DOCK3: variants seen among roughly 807,000 people sequenced by gnomAD.
DOCK3 encodes dedicator of cytokinesis 3.
Under a neutral mutation model 265.6 loss-of-function variants are expected in DOCK3, and 60 were observed. The observed-to-expected ratio is 0.23, with a 90% CI of 0.18 to 0.28. The LOEUF is 0.28. Ranked by LOEUF, DOCK3 falls within the 10% of genes least tolerant of loss-of-function variation. The probability of loss-of-function intolerance (pLI) is 1.00; values close to 1 mark genes in which losing one functional copy is unlikely to be tolerated. For synonymous variants in DOCK3, 881 were observed against 938.0 expected, an observed-to-expected ratio of 0.94 and a Z score of 1.11; for missense variants, 1,981 against 2,594.3, an observed-to-expected ratio of 0.76 and a Z score of 5.14.
intron 50 of DOCK3, among the ~76,000 whole-genome samples, chr3:51,375,120 ACTCC>A (rs1412742677): frequency 6.6e-6 from 1 of 152,024 alleles, no homozygotes; most frequent in Non-Finnish European, 1.5e-5. Flanking sequence ...GTAGGGATTA[ACTCC>A]CTCCCTTGGG....
chr3:50,958,765 T>G (rs2076799783), intron 5 of DOCK3, among the ~76,000 whole-genome samples: 1 of 152,240 alleles, frequency 6.6e-6, no homozygotes, highest in African/African-American at 2.4e-5. Flanking sequence ...GGAGCTCACT[T>G]TCTATTGTGG....
chr3:50,952,706 T>C (rs1321705070), intron 5 of DOCK3, among the ~76,000 whole-genome samples: 2 of 152,110 alleles, frequency 1.3e-5, no homozygotes, highest in Non-Finnish European at 2.9e-5. Flanking sequence ...TTGTATGTAA[T>C]AGTTGGAAGG....
At chr3:50,915,681 G>A (rs2050080300) in intron 4 of DOCK3, among the ~76,000 whole-genome samples, 1 of 152,014 alleles carries the variant, frequency 6.6e-6, no homozygotes, top group South Asian at 2.1e-4. Context: ...GGTGACCCAG[G>A]TATCATTTTC....
chr3:51,289,556 C>G (rs538441493), intron 27 of DOCK3, among the ~76,000 whole-genome samples: 7 of 152,172 alleles, frequency 4.6e-5, no homozygotes, highest in Admixed American at 3.9e-4. Context: ...GTAAATAAGT[C>G]CTTGCCTATC....
chr3:50,954,978 C>T (rs2076690373), intron 5 of DOCK3, among the ~76,000 whole-genome samples: 1 of 152,078 alleles, frequency 6.6e-6, no homozygotes, highest in Admixed American at 6.6e-5. Flanking sequence ...AGTCTTTAAT[C>T]CATCTTGAGT....
intron 27 of DOCK3, among the ~76,000 whole-genome samples, chr3:51,305,004 C>G (rs981679016): frequency 6.6e-6 from 1 of 152,164 alleles, no homozygotes; most frequent in Non-Finnish European, 1.5e-5. Flanking sequence ...ACATATTTTT[C>G]CTTCTATGTG....
chr3:51,064,471 C>T lies in DOCK3; in HGVS notation c.339C>T (p.Tyr113=). The T allele has an allele frequency of 6.2e-7, 1 of 1,613,964 alleles. No individual in the cohort carries two copies. Among genetic ancestry groups the T allele is most frequent in the Non-Finnish European group, 8.5e-7 (1 of 1,179,872 alleles). The change falls in exon 6 of 53, where the codon TAC becomes TAT. Residue 113 remains tyrosine, a synonymous_variant. Transcript: ENST00000266037. ...LYVKHKVDLF[Y]KLRHVMNELI... ...AGAAACACAAAGTAGATCTTTTCTA[C>T]AAACTACGCCATGTGATGAATGAAC...
At chr3:50,695,934 G>A (rs1395579158) in intron 1 of DOCK3, among the ~76,000 whole-genome samples, 1 of 152,178 alleles carries the variant, frequency 6.6e-6, no homozygotes, top group Non-Finnish European at 1.5e-5. Context: ...AGGATTTATG[G>A]ACAGAAAAAG....
chr3:50,827,867 A>C (rs1368300298), intron 2 of DOCK3, among the ~76,000 whole-genome samples: 1 of 151,496 alleles, frequency 6.6e-6, no homozygotes, highest in Admixed American at 6.6e-5. Flanking sequence ...TAATGATTTC[A>C]TTTAGGCTCC....
chr3:50,842,821 T>C (rs2045903026), intron 3 of DOCK3, among the ~76,000 whole-genome samples: 1 of 152,240 alleles, frequency 6.6e-6, no homozygotes, highest in Non-Finnish European at 1.5e-5. Flanking sequence ...GTTTATTTTT[T>C]AAATTTTGAT....
intron 12 of DOCK3, among the ~76,000 whole-genome samples, chr3:51,197,104 C>T (rs1184552632): frequency 6.6e-6 from 1 of 152,180 alleles, no homozygotes; most frequent in Non-Finnish European, 1.5e-5. Flanking sequence ...AGTGTCATCT[C>T]TGTATGATTT....
intron 27 of DOCK3, among the ~76,000 whole-genome samples, chr3:51,305,761 T>TGTGTG (rs779031609): frequency 4.7e-5 from 7 of 149,342 alleles, no homozygotes; most frequent in Admixed American, 6.7e-5. Context: ...TGTGTGTGTG[T>TGTGTG]TTTTATTATA....
At chr3:51,051,943 A>G (rs936910733) in intron 5 of DOCK3, among the ~76,000 whole-genome samples, 3 of 152,064 alleles carry the variant, frequency 2.0e-5, no homozygotes, top group Admixed American at 2.0e-4. Context: ...GGATGGGGCT[A>G]AGCCATTCAT....
At chr3:50,698,491 A>G (rs1274551122) in intron 1 of DOCK3, among the ~76,000 whole-genome samples, 3 of 49,514 alleles carry the variant, frequency 6.1e-5, no homozygotes, top group East Asian at 4.7e-4. Flanking sequence ...TTCATGTACA[A>G]GTTTCTCTGT....
chr3:50,878,246 C>G (rs890683682), intron 3 of DOCK3, among the ~76,000 whole-genome samples: 48 of 152,148 alleles, frequency 3.2e-4, no homozygotes, highest in African/African-American at 1.1e-3. Context: ...AGCTCCTCGC[C>G]AGCAATGAAA....
intron 5 of DOCK3, among the ~76,000 whole-genome samples, chr3:50,999,399 C>T (rs2078393433): frequency 6.6e-6 from 1 of 152,096 alleles, no homozygotes; most frequent in African/African-American, 2.4e-5. Context: ...GAGACAACAC[C>T]CAGCCCTTGC....
chr3:50,819,041 G>T (rs542377172), intron 2 of DOCK3, among the ~76,000 whole-genome samples: 12 of 152,178 alleles, frequency 7.9e-5, no homozygotes, highest in African/African-American at 2.9e-4. Flanking sequence ...AAAATGCTTT[G>T]TGCTGGAAGA....
intron 7 of DOCK3, among the ~76,000 whole-genome samples, chr3:51,079,982 A>G (rs1306838021): frequency 6.6e-6 from 1 of 152,194 alleles, no homozygotes; most frequent in Non-Finnish European, 1.5e-5. Context: ...GTGTCAATTA[A>G]TATTTTTAAT....
chr3:51,047,913 G>A (rs1046688306), intron 5 of DOCK3, among the ~76,000 whole-genome samples: 1 of 151,988 alleles, frequency 6.6e-6, no homozygotes, highest in Non-Finnish European at 1.5e-5. Context: ...TTACCAAAGC[G>A]AGACAAAGAC....
Sources: gnomAD v4.1 joint callset for allele counts (sites outside exome capture counted in the v4.1 genomes callset) on GRCh38, gnomAD v4.1.1 for gene constraint, MANE v1.5 for transcripts, NCBI Gene and HGNC (gene_info 2026-07-23, HGNC 2026-07-21) for gene names.